GALNT16: variants seen among roughly 807,000 people sequenced by gnomAD.
GALNT16 encodes the protein polypeptide N-acetylgalactosaminyltransferase 16.
GALNT16 carries 40 observed loss-of-function variants against 76.1 expected under a neutral mutation model. The observed-to-expected ratio is 0.53, with a 90% CI of 0.41 to 0.68. The LOEUF is 0.68. Ranked by LOEUF, GALNT16 falls within the 30% of genes least tolerant of loss-of-function variation. The probability of loss-of-function intolerance (pLI) is 0.00; values close to 1 mark genes in which losing one functional copy is unlikely to be tolerated. For synonymous variants in GALNT16, 276 were observed against 285.2 expected (o/e 0.97, Z 0.32); for missense variants, 621 against 731.9 (o/e 0.85, Z 1.75).
chr14:69,319,546 TTGA>T (rs568232631), intron 1 of GALNT16, among the ~76,000 whole-genome samples: 13 of 152,348 alleles, frequency 8.5e-5, no homozygotes, highest in South Asian at 6.2e-4. Flanking sequence ...GTACCCACAG[TTGA>T]TGATATTTCA....
rs1009952733 is a variant in GALNT16 at position 69,354,101 on chromosome 14, C to T, written c.*1933C>T. The T allele has an allele frequency of 6.5e-6, 1 of 152,968 alleles. No individual in the cohort carries two copies. The highest frequency in any genetic ancestry group is 1.5e-5 in the Non-Finnish European group (1 of 68,374). The allele number at this position is 152,968 out of a possible 1,614,324, so 9.5% of individuals were successfully genotyped here. ...CGCAGCCAGGTGCAGCCTCAGATCC[C>T]CTGTTCATCTGGGAAGCCTCCTGCC... On this transcript the variant is annotated 3_prime_UTR_variant, in exon 15 of 15. Transcript: ENST00000448469.
chr14:69,268,319 T>C (rs1429311935), intron 1 of GALNT16, among the ~76,000 whole-genome samples: 1 of 152,212 alleles, frequency 6.6e-6, no homozygotes, highest in Admixed American at 6.5e-5. Flanking sequence ...AAATTAACAT[T>C]GTTTATAAAA....
rs528373243 is a variant in GALNT16 at position 69,295,494 on chromosome 14, C to T, written c.178-25217C>T. ...TAGCATTTTGGGAGGCCGAGGTGGG[C>T]AGATCACTTGAGGTCAGGAGTTCAA... On this transcript the variant is annotated intron_variant, in intron 1 of 14. Coordinates refer to ENST00000448469, the MANE Select transcript of GALNT16 (RefSeq NM_001168368.2). Among the ~76,000 whole-genome samples the T allele has an allele frequency of 2.0e-3, 294 of 150,326 alleles. 1 individual carries two copies. Among genetic ancestry groups the T allele is most frequent in the Middle Eastern group, 7.0e-3 (2 of 284 alleles).
rs776680086 is a variant in GALNT16, at chr14:69,333,567, G to A, written c.934G>A (p.Ala312Thr). The change falls in exon 9 of 15, where the codon GCC becomes ACC. Residue 312 changes from alanine to threonine, a missense_variant. Physicochemically the swap from Ala to Thr is moderately conservative, Grantham distance 58 (BLOSUM62 0). Coordinates refer to ENST00000448469, the MANE Select transcript of GALNT16 (RefSeq NM_001168368.2). The surrounding 1 kb of genome is among the most constrained non-coding windows in gnomAD (Gnocchi z 4.2). The stretch of plus-strand genomic sequence containing the variant: ...GTTTAACCACTTGGGAAAGTATGAT[G>A]CCCAGATGGACATCTGGGGGGGAGA... Reference protein sequence around the residue: ...SWFNHLGKYDAQMDIWGGENF... With the variant: ...SWFNHLGKYDTQMDIWGGENF... 4 of 1,600,828 alleles carry A rather than the reference G, an allele frequency of 2.5e-6. No individual in the cohort carries two copies. The highest frequency in any genetic ancestry group is 2.7e-5 in the African/African-American group (2 of 74,518).
At chr14:69,348,280 C>T (rs1017945964) in intron 14 of GALNT16, 2 of 575,012 alleles carry the variant, frequency 3.5e-6, no homozygotes, top group African/African-American at 1.9e-5. Context: ...ATCCCTAGCT[C>T]CTGACAACCA....
chr14:69,324,577 G>A (rs981523019), intron 2 of GALNT16, 115 bp from the exon 3 acceptor site: 2 of 563,372 alleles, frequency 3.6e-6, no homozygotes, highest in African/African-American at 3.8e-5. Context: ...GGCTGTTGGT[G>A]TGCCTTCTCT....
chr14:69,340,790 A>G (rs2045476314), intron 11 of GALNT16, among the ~76,000 whole-genome samples: 1 of 152,048 alleles, frequency 6.6e-6, no homozygotes, highest in Non-Finnish European at 1.5e-5. Flanking sequence ...CTGGCCTGAA[A>G]TTTTTTCCTA....
At chr14:69,367,933 C>T in the GALNT16 span, among the ~76,000 whole-genome samples, 1 of 152,042 alleles carries the variant, frequency 6.6e-6, no homozygotes, top group Non-Finnish European at 1.5e-5. Flanking sequence ...TTCAAGGCTA[C>T]AGTGACATGA....
At chr14:69,295,402 G>A (rs1442485737) in intron 1 of GALNT16, among the ~76,000 whole-genome samples, 3 of 131,666 alleles carry the variant, frequency 2.3e-5, no homozygotes, top group African/African-American at 8.9e-5. Flanking sequence ...GGGACAAAGT[G>A]AGACTCTGTC....
At chr14:69,288,569 C>T (rs1042384346) in intron 1 of GALNT16, among the ~76,000 whole-genome samples, 6 of 152,254 alleles carry the variant, frequency 3.9e-5, no homozygotes, top group East Asian at 1.9e-4. Flanking sequence ...TTGCATTGAC[C>T]GAGCACCTAG....
At chr14:69,264,177 G>T (rs577435629) in intron 1 of GALNT16, among the ~76,000 whole-genome samples, 17 of 152,204 alleles carry the variant, frequency 1.1e-4, no homozygotes, top group Non-Finnish European at 1.8e-4. Flanking sequence ...ACTCATTTGT[G>T]TCAACAGTCT....
chr14:69,260,754 C>T (rs2140090663), intron 1 of GALNT16, among the ~76,000 whole-genome samples: 1 of 151,914 alleles, frequency 6.6e-6, no homozygotes, highest in East Asian at 1.9e-4. Context: ...TGGCGGCTCT[C>T]CCGGCTCTGC....
chr14:69,313,497 C>A (rs1324953994), intron 1 of GALNT16, among the ~76,000 whole-genome samples: 2 of 146,458 alleles, frequency 1.4e-5, no homozygotes, highest in Non-Finnish European at 3.1e-5. Flanking sequence ...TGGCTCAGAT[C>A]CCTAGGGGAA....
chr14:69,321,110 G>A (rs1173059552), intron 2 of GALNT16, among the ~76,000 whole-genome samples: 1 of 152,194 alleles, frequency 6.6e-6, no homozygotes, highest in Admixed American at 6.5e-5. Flanking sequence ...TCAGTCTGGC[G>A]CCCCAGCAAA....
intron 1 of GALNT16, among the ~76,000 whole-genome samples, chr14:69,278,306 T>C (rs929420626): frequency 5.3e-5 from 8 of 152,162 alleles, no homozygotes; most frequent in Admixed American, 2.6e-4. Flanking sequence ...ACCACACTGG[T>C]CATATTCTGT....
At chr14:69,295,746 C>A (rs574899315) in intron 1 of GALNT16, among the ~76,000 whole-genome samples, 1 of 151,812 alleles carries the variant, frequency 6.6e-6, no homozygotes, top group Non-Finnish European at 1.5e-5. Flanking sequence ...TTAACATTAA[C>A]ATTTTGCCAT....
At position 69,261,363 on chromosome 14, in the gene GALNT16, C is replaced by T. The variant is rs1224507915; in HGVS notation, c.177+896C>T. Among the ~76,000 whole-genome samples the T allele has an allele frequency of 6.6e-6, 1 of 152,228 alleles. No individual in the cohort carries two copies. ...GCTGTGCGTGGCCAGGCAGGGGCACCTGTTGAGGCGGGAGGCTTTGGCACC... is the reference window on the plus strand; with the variant it reads ...GCTGTGCGTGGCCAGGCAGGGGCACTTGTTGAGGCGGGAGGCTTTGGCACC... On this transcript the variant is annotated intron_variant, in intron 1 of 14. Coordinates refer to ENST00000448469, the MANE Select transcript of GALNT16 (RefSeq NM_001168368.2). The surrounding 1 kb of genome is among the most constrained non-coding windows in gnomAD (Gnocchi z 6.4).
At chr14:69,313,124 C>T (rs1332152787) in intron 1 of GALNT16, among the ~76,000 whole-genome samples, 1 of 152,184 alleles carries the variant, frequency 6.6e-6, no homozygotes, top group Non-Finnish European at 1.5e-5. Flanking sequence ...ACAGTAGACC[C>T]TCAATGAGCC....
the GALNT16 span, among the ~76,000 whole-genome samples, chr14:69,368,063 T>A: frequency 6.6e-6 from 1 of 152,158 alleles, no homozygotes; most frequent in Non-Finnish European, 1.5e-5. Context: ...ATTTTCATTA[T>A]GAAAAACGTC....
Sources: allele counts gnomAD v4.1 joint callset (sites outside exome capture counted in the v4.1 genomes callset), GRCh38; gene constraint gnomAD v4.1.1; non-coding constraint Gnocchi (gnomAD v3.1); transcripts MANE v1.5; gene names NCBI Gene and HGNC (gene_info 2026-07-23, HGNC 2026-07-21).